The following TP63 variants were observed in gnomAD, a reference collection of about 807,000 sequenced individuals.
The protein encoded by TP63 is tumor protein p63.
TP63 carries 17 observed loss-of-function variants against 82.8 expected under a neutral mutation model. That is an observed-to-expected ratio of 0.21 (90% CI 0.14 to 0.31). TP63 has a LOEUF of 0.31. Ranked by LOEUF, TP63 falls within the 10% of genes least tolerant of loss-of-function variation. The pLI, the probability that TP63 is intolerant of heterozygous loss-of-function variation, is 1.00. For synonymous variants in TP63, 330 were observed against 321.7 expected, an observed-to-expected ratio of 1.03 and a Z score of -0.28; for missense variants, 648 against 895.3, an observed-to-expected ratio of 0.72 and a Z score of 3.52.
At chr3:189,878,238 G>A (rs1019634883) in intron 10 of TP63, among the ~76,000 whole-genome samples, 6 of 152,146 alleles carry the variant, frequency 3.9e-5, no homozygotes, top group Middle Eastern at 3.4e-3. Context: ...TGTCAACACC[G>A]TATTTCTAGG....
chr3:189,849,169 C>A (rs532273245), intron 4 of TP63, among the ~76,000 whole-genome samples: 1 of 152,258 alleles, frequency 6.6e-6, no homozygotes, highest in Non-Finnish European at 1.5e-5. Flanking sequence ...CCTCTCCCCC[C>A]ATACCACTCC....
intron 5 of TP63, among the ~76,000 whole-genome samples, chr3:189,865,341 C>G (rs1355771451): frequency 2.6e-5 from 4 of 152,168 alleles, no homozygotes; most frequent in African/African-American, 9.7e-5. Context: ...GACGCTATAT[C>G]CATGAATAAG....
At chr3:189,689,695 T>A (rs551955320) in intron 1 of TP63, among the ~76,000 whole-genome samples, 54 of 152,296 alleles carry the variant, frequency 3.5e-4, no homozygotes, top group Middle Eastern at 3.4e-3. Context: ...TTGGTCTATG[T>A]CCTAGATTAC....
chr3:189,867,289 C>A (rs79472829), intron 6 of TP63, among the ~76,000 whole-genome samples: 2,758 of 152,256 alleles, frequency 0.018, 48 homozygotes, highest in East Asian at 0.1. Context: ...GGTTTGCTGG[C>A]TTGCTGTGTG....
intron 1 of TP63, among the ~76,000 whole-genome samples, chr3:189,693,059 A>G (rs886992471): frequency 2.0e-5 from 3 of 152,174 alleles, no homozygotes; most frequent in African/African-American, 7.2e-5. Context: ...GAGAATAACT[A>G]TGTTACAGGT....
In TP63 at chr3:189,759,682, A is replaced by G. The variant is rs143991588; in HGVS notation, c.324+20908A>G. ...CTGTTTATTTTAAAACATGGAATCA[A>G]TAGAAAGGAGTGTCTGCGTTGAGAT... is the stretch of plus-strand genomic sequence containing the variant. On this transcript the variant is annotated intron_variant, in intron 3 of 13. Transcript: ENST00000264731. Among the ~76,000 whole-genome samples the G allele has an allele frequency of 2.6e-5, 4 of 152,318 alleles. No individual in the cohort carries two copies. In the East Asian group the frequency reaches 7.7e-4, roughly 29 times the overall value.
Position 189,778,805 on chromosome 3 carries a change from C to A in TP63, c.325-29467C>A, listed in dbSNP as rs566996997. Among the ~76,000 whole-genome samples the A allele has an allele frequency of 2.6e-5, 4 of 152,256 alleles. No individual in the cohort carries two copies. The East Asian group carries it at 7.7e-4, about 29-fold the overall frequency. On this transcript the variant is annotated intron_variant, in intron 3 of 13. Coordinates refer to ENST00000264731, the MANE Select transcript of TP63 (RefSeq NM_003722.5). ...GCCCTTTAACTTTGTAGCTTAAATC[C>A]CTTACCCCATAGAGAAACTATCACA...
intron 1 of TP63, among the ~76,000 whole-genome samples, chr3:189,651,088 G>C (rs1361022533): frequency 6.8e-6 from 1 of 147,560 alleles, no homozygotes; most frequent in Middle Eastern, 3.2e-3. Context: ...TTAGCAAAGA[G>C]ACTGGCAGCA....
intron 1 of TP63, among the ~76,000 whole-genome samples, chr3:189,696,125 A>C (rs1193940400): frequency 6.6e-6 from 1 of 152,144 alleles, no homozygotes; most frequent in Non-Finnish European, 1.5e-5. Flanking sequence ...ATAAACCCAT[A>C]ATGTCATGTA....
chr3:189,894,418 A>G lies in TP63; in HGVS notation c.1959A>G (p.Pro653=), dbSNP rs886104230. The change falls in exon 14 of 14, where the codon CCA becomes CCG. Residue 653 remains proline, a synonymous_variant. Transcript: ENST00000264731. ...CCCTCCGCCAGACCATCTCTTTCCC[A>G]CCCCGAGATGAGTGGAATGACTTCA... ...RFTLRQTISF[P]PRDEWNDFNF... The G allele has an allele frequency of 5.0e-6, 8 of 1,612,894 alleles. No individual in the cohort carries two copies. The Middle Eastern group carries it at 6.6e-4, about 133-fold the overall frequency.
In TP63 at chr3:189,794,178, G is replaced by T. The variant is rs185301186; in HGVS notation, c.325-14094G>T. On this transcript the variant is annotated intron_variant, in intron 3 of 13. Transcript: ENST00000264731. ...AAGTAGTATTGAGAAAGAGAAACAGGTTAGAAGAAGAACTGACTGACTCTT... is the reference window on the plus strand; with the variant it reads ...AAGTAGTATTGAGAAAGAGAAACAGTTTAGAAGAAGAACTGACTGACTCTT... Among the ~76,000 whole-genome samples the T allele has an allele frequency of 6.2e-4, 94 of 152,012 alleles. 2 individuals carry two copies. The East Asian group carries it at 0.012, about 19-fold the overall frequency.
intron 10 of TP63, among the ~76,000 whole-genome samples, chr3:189,876,065 G>A (rs1719185426): frequency 6.6e-6 from 1 of 152,096 alleles, no homozygotes. Context: ...ATTTAATGGT[G>A]AATTTCTAAC....
intron 3 of TP63, among the ~76,000 whole-genome samples, chr3:189,780,129 G>C (rs1724116402): frequency 6.6e-6 from 1 of 152,140 alleles, no homozygotes; most frequent in East Asian, 1.9e-4. Context: ...CACTCAACCA[G>C]TGTGGAGTAA....
At chr3:189,718,311 C>CT (rs1324663412) in intron 1 of TP63, among the ~76,000 whole-genome samples, 2 of 17,490 alleles carry the variant, frequency 1.1e-4, no homozygotes, top group African/African-American at 2.0e-4. Context: ...CTACCTGAGA[C>CT]TGGGAATTTA....
At chr3:189,709,389 C>A (rs1446332894) in intron 1 of TP63, among the ~76,000 whole-genome samples, 1 of 152,024 alleles carries the variant, frequency 6.6e-6, no homozygotes, top group Non-Finnish European at 1.5e-5. Context: ...TCTGTCTAAT[C>A]CCTTCATCAT....
chr3:189,672,536 A>G (rs186316129), intron 1 of TP63, among the ~76,000 whole-genome samples: 10 of 151,468 alleles, frequency 6.6e-5, no homozygotes, highest in Admixed American at 5.3e-4. Flanking sequence ...TGGCAGGGGA[A>G]GGCTACAGTG....
At chr3:189,617,851 GA>G in the TP63 span, among the ~76,000 whole-genome samples, 1 of 152,134 alleles carries the variant, frequency 6.6e-6, no homozygotes, top group Non-Finnish European at 1.5e-5. Flanking sequence ...CTGAAAAAGT[GA>G]CAACTAAGTG....
At chr3:189,731,496 A>G (rs889868067) in intron 1 of TP63, among the ~76,000 whole-genome samples, 1 of 152,228 alleles carries the variant, frequency 6.6e-6, no homozygotes, top group Non-Finnish European at 1.5e-5. Context: ...TCTAAAACCC[A>G]TCTATGCAGC....
intron 1 of TP63, among the ~76,000 whole-genome samples, chr3:189,706,632 C>T (rs1718222714): frequency 6.6e-6 from 1 of 152,160 alleles, no homozygotes; most frequent in Non-Finnish European, 1.5e-5. Context: ...CATCTTGTGA[C>T]ATCCAGCAAT....
Sources: allele counts gnomAD v4.1 joint callset (sites outside exome capture counted in the v4.1 genomes callset), GRCh38; gene constraint gnomAD v4.1.1; transcripts MANE v1.5; gene names NCBI Gene and HGNC (gene_info 2026-07-23, HGNC 2026-07-21).